Variants in CCSER1 observed in about 807,000 individuals in gnomAD.
CCSER1 encodes serine-rich coiled-coil domain-containing protein 1.
In CCSER1, 41 loss-of-function variants were observed where a neutral mutation model predicts 82.0. That is an observed-to-expected ratio of 0.50 (90% CI 0.39 to 0.65). The LOEUF is 0.65. CCSER1 is among the 30% of genes least tolerant of loss of function. The pLI is 0.00. For synonymous variants in CCSER1, 414 were observed against 383.9 expected (o/e 1.08, Z -0.92); for missense variants, 1,119 against 1,064.2 (o/e 1.05, Z -0.72).
At chr4:91,146,659 G>T (rs1220901304) in intron 10 of CCSER1, among the ~76,000 whole-genome samples, 1 of 151,640 alleles carries the variant, frequency 6.6e-6, no homozygotes, top group African/African-American at 2.4e-5. Context: ...TTTCATTGTG[G>T]TGTATGTTGT....
intron 8 of CCSER1, among the ~76,000 whole-genome samples, chr4:90,880,537 G>C (rs921875945): frequency 6.6e-5 from 10 of 152,132 alleles, no homozygotes; most frequent in African/African-American, 2.4e-4. Flanking sequence ...TTACTCCAAG[G>C]GAAGCAAGAG....
chr4:90,702,045 T>A (rs1181505440), intron 6 of CCSER1, among the ~76,000 whole-genome samples: 1 of 152,180 alleles, frequency 6.6e-6, no homozygotes, highest in African/African-American at 2.4e-5. Flanking sequence ...CACACCTGCC[T>A]TGTGCCAGTT....
At chr4:90,183,368 A>T (rs1734038690) in intron 1 of CCSER1, among the ~76,000 whole-genome samples, 1 of 152,172 alleles carries the variant, frequency 6.6e-6, no homozygotes, top group Non-Finnish European at 1.5e-5. Flanking sequence ...ATAAAGGTTT[A>T]GGTACAAAGT....
intron 10 of CCSER1, among the ~76,000 whole-genome samples, chr4:91,112,284 T>C (rs1391965086): frequency 6.6e-6 from 1 of 152,094 alleles, no homozygotes. Context: ...CTTCCTTTTT[T>C]GACACTTTTT....
chr4:91,027,485 TAA>T (rs1451026891), intron 9 of CCSER1, among the ~76,000 whole-genome samples: 1 of 152,034 alleles, frequency 6.6e-6, no homozygotes, highest in African/African-American at 2.4e-5. Flanking sequence ...TTTCCATCAA[TAA>T]AGACAGTATA....
intron 10 of CCSER1, among the ~76,000 whole-genome samples, chr4:91,532,957 C>A (rs1761112142): frequency 6.6e-6 from 1 of 151,876 alleles, no homozygotes; most frequent in South Asian, 2.1e-4. Flanking sequence ...ATAAAGAAAT[C>A]ATTGCTAAAA....
chr4:91,223,716 T>C (rs1737931645), intron 10 of CCSER1, among the ~76,000 whole-genome samples: 1 of 152,032 alleles, frequency 6.6e-6, no homozygotes. Flanking sequence ...ACATAATGGA[T>C]TTATTGAGGA....
intron 10 of CCSER1, among the ~76,000 whole-genome samples, chr4:91,248,790 T>A (rs1201290252): frequency 6.6e-6 from 1 of 151,824 alleles, no homozygotes; most frequent in African/African-American, 2.4e-5. Flanking sequence ...CAATATTAAT[T>A]ATTATTACAA....
chr4:90,753,661 T>A (rs961861916), intron 7 of CCSER1, among the ~76,000 whole-genome samples: 4 of 152,196 alleles, frequency 2.6e-5, no homozygotes, highest in Middle Eastern at 3.4e-3. Context: ...GTAATTCCAT[T>A]TCCCACATGG....
At chr4:91,585,542 C>G (rs1306062216) in intron 10 of CCSER1, among the ~76,000 whole-genome samples, 1 of 151,238 alleles carries the variant, frequency 6.6e-6, no homozygotes, top group Non-Finnish European at 1.5e-5. Context: ...AGGACAATTG[C>G]TATAAAGAGA....
intron 6 of CCSER1, among the ~76,000 whole-genome samples, chr4:90,660,585 A>G (rs1056332520): frequency 1.3e-5 from 2 of 152,160 alleles, no homozygotes; most frequent in African/African-American, 4.8e-5. Flanking sequence ...ATAAAATCAT[A>G]TATGCCAATT....
At chr4:90,600,384 G>A (rs180728661) in intron 5 of CCSER1, among the ~76,000 whole-genome samples, 46 of 152,134 alleles carry the variant, frequency 3.0e-4, no homozygotes, top group African/African-American at 1.1e-3. Context: ...TTAGATTTGT[G>A]TGTAGTCATT....
chr4:91,541,584 T>C (rs1290563880), intron 10 of CCSER1, among the ~76,000 whole-genome samples: 1 of 152,208 alleles, frequency 6.6e-6, no homozygotes. Flanking sequence ...TGCATAGTAT[T>C]CCATGGTGTA....
At chr4:90,961,786 A>G in intron 9 of CCSER1, among the ~76,000 whole-genome samples, 1 of 152,194 alleles carries the variant, frequency 6.6e-6, no homozygotes, top group South Asian at 2.1e-4. Flanking sequence ...AATATTCTTA[A>G]TAGGCTTCAA....
At chr4:90,643,931 T>C (rs1409610935) in intron 6 of CCSER1, among the ~76,000 whole-genome samples, 1 of 152,200 alleles carries the variant, frequency 6.6e-6, no homozygotes, top group Non-Finnish European at 1.5e-5. Flanking sequence ...TTAATTTTAG[T>C]ATTAATTCTA....
chr4:90,300,906 G>A (rs1474647094), intron 1 of CCSER1, among the ~76,000 whole-genome samples: 3 of 152,134 alleles, frequency 2.0e-5, no homozygotes, highest in Non-Finnish European at 4.4e-5. Context: ...GTTTACTGCA[G>A]CCTTGACCTC....
chr4:91,048,846 A>C (rs962801387), intron 9 of CCSER1, among the ~76,000 whole-genome samples: 9 of 152,164 alleles, frequency 5.9e-5, no homozygotes, highest in Non-Finnish European at 1.2e-4. Flanking sequence ...TACACACTGC[A>C]TTACAGTCAT....
At chr4:91,277,399 T>C (rs1742552680) in intron 10 of CCSER1, among the ~76,000 whole-genome samples, 1 of 151,932 alleles carries the variant, frequency 6.6e-6, no homozygotes, top group African/African-American at 2.4e-5. Context: ...TTTCTTCCTG[T>C]TTCAGTCTTG....
At chr4:91,163,485 T>C (rs910386367) in intron 10 of CCSER1, among the ~76,000 whole-genome samples, 2 of 152,164 alleles carry the variant, frequency 1.3e-5, no homozygotes, top group African/African-American at 4.8e-5. Flanking sequence ...CTGGATATCC[T>C]TGTTAACCTT....
Sources: allele counts gnomAD v4.1 joint callset (sites outside exome capture counted in the v4.1 genomes callset), GRCh38; gene constraint gnomAD v4.1.1; transcripts MANE v1.5; gene names NCBI Gene and HGNC (gene_info 2026-07-23, HGNC 2026-07-21).